Variants in RSRC1 observed in about 807,000 individuals in gnomAD.
RSRC1 encodes the protein arginine and serine rich coiled-coil 1, also known as serine/Arginine-related protein 53.
A neutral mutation model predicts 49.1 loss-of-function variants in RSRC1; 39 were observed. The ratio of observed to expected loss-of-function variants is 0.79; its 90% CI spans 0.61 to 1.04. The LOEUF is 1.04. RSRC1 is among the 50% of genes least tolerant of loss of function. The pLI is 0.00. For missense variants in RSRC1, 388 were observed against 402.4 expected (o/e 0.96, Z 0.31); for synonymous variants, 143 against 130.8 (o/e 1.09, Z -0.63).
At chr3:158,147,069 ATCT>A (rs1717179011) in intron 3 of RSRC1, among the ~76,000 whole-genome samples, 1 of 86,398 alleles carries the variant, frequency 1.2e-5, no homozygotes, top group Non-Finnish European at 2.2e-5. Flanking sequence ...CTCCCTCTCC[ATCT>A]TCTTCCTTTT....
chr3:158,293,433 C>T (rs1727059461), intron 4 of RSRC1, among the ~76,000 whole-genome samples: 1 of 151,954 alleles, frequency 6.6e-6, no homozygotes, highest in Admixed American at 6.6e-5. Context: ...TTTTGGGAAA[C>T]CCTTCTGAAT....
intron 4 of RSRC1, among the ~76,000 whole-genome samples, chr3:158,293,392 C>A (rs59192297): frequency 0.077 from 11,636 of 151,964 alleles, 539 homozygotes; most frequent in South Asian, 0.13. Flanking sequence ...TTCTTTTGGT[C>A]CATATTTGCC....
intron 7 of RSRC1, among the ~76,000 whole-genome samples, chr3:158,533,691 A>G (rs991810435): frequency 4.0e-5 from 6 of 151,782 alleles, no homozygotes; most frequent in African/African-American, 1.4e-4. Context: ...GTCAGAAATA[A>G]TGTCTTTTGG....
Position 158,259,637 on chromosome 3 carries a change from G to C in RSRC1, c.495-38402G>C, listed in dbSNP as rs543937114. On this transcript the variant is annotated intron_variant, in intron 4 of 9. Transcript: ENST00000611884. ...CTACAATCCACAGGTGGTGAGTCTAGCCTGGCTTGTGTCCTTCTTTTCAGG... is the reference window on the plus strand; with the variant it reads ...CTACAATCCACAGGTGGTGAGTCTACCCTGGCTTGTGTCCTTCTTTTCAGG... Among the ~76,000 whole-genome samples the C allele has an allele frequency of 1.1e-4, 16 of 152,282 alleles. 1 individual carries two copies. Among genetic ancestry groups the C allele is most frequent in the Admixed American group, 3.3e-4 (5 of 15,306 alleles).
chr3:158,159,625 A>G (rs1718092962), intron 3 of RSRC1, among the ~76,000 whole-genome samples: 1 of 152,118 alleles, frequency 6.6e-6, no homozygotes, highest in African/African-American at 2.4e-5. Flanking sequence ...TGAAAATAAC[A>G]TTTTGTAGAT....
chr3:158,298,316 C>T (rs1386168703), intron 5 of RSRC1, among the ~76,000 whole-genome samples: 1 of 151,794 alleles, frequency 6.6e-6, no homozygotes, highest in Non-Finnish European at 1.5e-5. Flanking sequence ...GGATGACAAT[C>T]CTTGGATTGA....
At chr3:158,411,174 CTT>C (rs757081387) in intron 6 of RSRC1, among the ~76,000 whole-genome samples, 1 of 152,006 alleles carries the variant, frequency 6.6e-6, no homozygotes, top group Non-Finnish European at 1.5e-5. Flanking sequence ...ATATTACAAA[CTT>C]TTTTTAACCG....
intron 7 of RSRC1, among the ~76,000 whole-genome samples, chr3:158,505,110 G>T (rs1739792314): frequency 6.6e-6 from 1 of 152,190 alleles, no homozygotes; most frequent in South Asian, 2.1e-4. Flanking sequence ...GCATTTGCAG[G>T]ACTATGTTGA....
chr3:158,211,889 A>G (rs1286606365), intron 4 of RSRC1, among the ~76,000 whole-genome samples: 1 of 151,922 alleles, frequency 6.6e-6, no homozygotes, highest in Non-Finnish European at 1.5e-5. Flanking sequence ...TTTCTCAACT[A>G]TCATTCTTTT....
Position 158,543,361 on chromosome 3 carries a change from A to G in RSRC1, c.786A>G (p.Gln262=). 1.3e-6 allele frequency: 2 copies of G among 1,592,852 alleles called. No homozygotes were observed. The highest frequency in any genetic ancestry group is 1.7e-6 in the Non-Finnish European group (2 of 1,172,130). ...CAGTGGAACCTAGTGAAGTGAAACA[A>G]GCAACTTCAACATCAGGACCAGCAT... ...KKSVEPSEVK[Q]ATSTSGPASA... Residue 262 remains glutamine (Q), a synonymous_variant, in exon 9 of 10, where the codon CAA becomes CAG. Transcript: ENST00000611884.
intron 6 of RSRC1, among the ~76,000 whole-genome samples, chr3:158,379,969 T>C (rs984819882): frequency 4.6e-5 from 7 of 152,112 alleles, no homozygotes; most frequent in Non-Finnish European, 1.0e-4. Flanking sequence ...TAAGGATTGT[T>C]ATCTGCTTTG....
chr3:158,179,774 ATAG>A (rs1719471318), intron 3 of RSRC1, among the ~76,000 whole-genome samples: 1 of 152,200 alleles, frequency 6.6e-6, no homozygotes, highest in Non-Finnish European at 1.5e-5. Flanking sequence ...TTGCTAAGTC[ATAG>A]TAGTTACATG....
At chr3:158,127,380 G>A (rs9860241) in intron 3 of RSRC1, among the ~76,000 whole-genome samples, 57,907 of 151,394 alleles carry the variant, frequency 0.38, 11,848 homozygotes, top group East Asian at 0.61. Flanking sequence ...TTTCTTGTTT[G>A]CTTCCCTGAC....
chr3:158,320,134 A>G (rs1220182981), intron 5 of RSRC1, among the ~76,000 whole-genome samples: 1 of 152,214 alleles, frequency 6.6e-6, no homozygotes, highest in Non-Finnish European at 1.5e-5. Flanking sequence ...CTTGATTACA[A>G]TCACTCAGGA....
chr3:158,533,979 T>C (rs1712572950), intron 7 of RSRC1, among the ~76,000 whole-genome samples: 1 of 151,688 alleles, frequency 6.6e-6, no homozygotes, highest in Admixed American at 6.6e-5. Context: ...GGAGCTTTCA[T>C]TGTATAAAGC....
At chr3:158,427,710 C>T (rs1399262678) in intron 6 of RSRC1, among the ~76,000 whole-genome samples, 2 of 151,620 alleles carry the variant, frequency 1.3e-5, no homozygotes, top group African/African-American at 2.4e-5. Context: ...GTTTATATCA[C>T]ATAAATTTAT....
At chr3:158,402,780 T>A (rs957680531) in intron 6 of RSRC1, among the ~76,000 whole-genome samples, 6 of 151,890 alleles carry the variant, frequency 4.0e-5, no homozygotes, top group African/African-American at 1.2e-4. Context: ...AGGTACATGC[T>A]GTCAGGACCA....
chr3:158,170,697 C>T (rs1413477153), intron 3 of RSRC1, among the ~76,000 whole-genome samples: 1 of 152,130 alleles, frequency 6.6e-6, no homozygotes, highest in Admixed American at 6.5e-5. Context: ...GAAGCAAAGA[C>T]CCTCAGAGAA....
At chr3:158,263,861 G>A (rs534220749) in intron 4 of RSRC1, among the ~76,000 whole-genome samples, 14 of 151,918 alleles carry the variant, frequency 9.2e-5, no homozygotes, top group East Asian at 3.9e-4. Context: ...TCCTTTTAGC[G>A]TCTGTAGAGT....
Sources: allele counts gnomAD v4.1 joint callset (sites outside exome capture counted in the v4.1 genomes callset), GRCh38; gene constraint gnomAD v4.1.1; transcripts MANE v1.5; gene names NCBI Gene and HGNC (gene_info 2026-07-23, HGNC 2026-07-21).